Variants in DOCK7 observed in about 807,000 individuals in gnomAD.
DOCK7 encodes the protein dedicator of cytokinesis 7.
In DOCK7, 138 loss-of-function variants were observed where a neutral mutation model predicts 271.0. That is an observed-to-expected ratio of 0.51 (90% CI 0.44 to 0.59). DOCK7 has a LOEUF of 0.59. Ranked by LOEUF, DOCK7 falls within the 20% of genes least tolerant of loss-of-function variation. The pLI, the probability that DOCK7 is intolerant of heterozygous loss-of-function variation, is 0.00. For missense variants in DOCK7, 2,066 were observed against 2,592.4 expected (o/e 0.80, Z 4.41); for synonymous variants, 823 against 876.1 (o/e 0.94, Z 1.07).
chr1:62,464,766 C>T (rs1645628210), intron 48 of DOCK7, among the ~76,000 whole-genome samples: 1 of 151,870 alleles, frequency 6.6e-6, no homozygotes, highest in Non-Finnish European at 1.5e-5. Context: ...AATAAATGTG[C>T]ACTGTTGGCA....
At chr1:62,631,144 C>T in intron 11 of DOCK7, 96 bp downstream of exon 11, 1 of 1,124,326 alleles carries the variant, frequency 8.9e-7, no homozygotes, top group Non-Finnish European at 1.2e-6. Flanking sequence ...AAGATCGTGC[C>T]ACTGCCCTCC....
intron 31 of DOCK7, among the ~76,000 whole-genome samples, chr1:62,527,611 A>C (rs1457246798): frequency 2.6e-5 from 4 of 151,992 alleles, no homozygotes; most frequent in African/African-American, 9.7e-5. Flanking sequence ...CATCATTCTC[A>C]GCAAACTATT....
intron 14 of DOCK7, among the ~76,000 whole-genome samples, chr1:62,614,942 C>T (rs947851983): frequency 6.6e-6 from 1 of 151,802 alleles, no homozygotes; most frequent in African/African-American, 2.4e-5. Context: ...AAAATGGTTT[C>T]GTCACATGTC....
intron 28 of DOCK7, among the ~76,000 whole-genome samples, chr1:62,536,231 G>A (rs549030858): frequency 1.3e-5 from 2 of 152,080 alleles, no homozygotes; most frequent in Non-Finnish European, 2.9e-5. Flanking sequence ...TCTCTATGGC[G>A]AAATCTTCTC....
At chr1:62,499,211 T>C (rs1364036037) in intron 37 of DOCK7, among the ~76,000 whole-genome samples, 1 of 152,148 alleles carries the variant, frequency 6.6e-6, no homozygotes, top group Non-Finnish European at 1.5e-5. Context: ...GAAAACTGAG[T>C]GTGGTCAAAT....
intron 33 of DOCK7, among the ~76,000 whole-genome samples, chr1:62,511,854 TTAA>T (rs1644495714): frequency 6.6e-6 from 1 of 152,038 alleles, no homozygotes; most frequent in Admixed American, 6.5e-5. Context: ...CTCTCAATAG[TTAA>T]TAATGTCTTA....
rs1419878956 is a variant in DOCK7 at position 62,478,821 on chromosome 1, TTCTAAA to T, written c.5509-1002_5509-997del. ...AAAAATTTTTGAGATGAGTTGGTTA[TTCTAAA>T]TCACCCAAACCACCCATTGGCATGC... On this transcript the variant is annotated intron_variant, in intron 43 of 49. Coordinates refer to ENST00000635253, the MANE Select transcript of DOCK7 (RefSeq NM_001367561.1). 4 of 152,204 alleles carry T rather than the reference TTCTAAA, an allele frequency of 2.6e-5. No homozygotes were observed. The South Asian group carries it at 8.3e-4, about 32-fold the overall frequency. The allele number at this position is 152,204 out of a possible 1,614,324, so 9.4% of individuals were successfully genotyped here. A position where few individuals can be genotyped will look rare whatever the true frequency, so the allele number is the denominator to read the frequency against.
At chr1:62,680,197 C>A (rs1300728558) in intron 1 of DOCK7, among the ~76,000 whole-genome samples, 1 of 152,028 alleles carries the variant, frequency 6.6e-6, no homozygotes, top group Non-Finnish European at 1.5e-5. Flanking sequence ...GAAATATAGA[C>A]CAATGGAACA....
rs7534572 is a variant in DOCK7 at position 62,534,004 on chromosome 1, C to T, written c.3611+1489G>A. 1.1e-3 allele frequency among the ~76,000 whole-genome samples: 167 copies of T among 149,544 alleles called. 2 individuals carry two copies. In the South Asian group the frequency reaches 0.022, roughly 20 times the overall value. Reference sequence around the variant, plus strand: ...GGATGCTGGACCACAACACATCAAGCTTTTTTTTTTTTGAGATGAAGTCTT... The same window carrying T: ...GGATGCTGGACCACAACACATCAAGTTTTTTTTTTTTTGAGATGAAGTCTT... On this transcript the variant is annotated intron_variant, in intron 29 of 49. Coordinates refer to ENST00000635253, the MANE Select transcript of DOCK7 (RefSeq NM_001367561.1).
chr1:62,461,070 A>G (rs1645510235), intron 48 of DOCK7: 1 of 152,190 alleles, frequency 6.6e-6, no homozygotes, highest in Non-Finnish European at 1.5e-5. Flanking sequence ...AACTTTTAAA[A>G]CCTGTCATAT....
intron 7 of DOCK7, among the ~76,000 whole-genome samples, chr1:62,645,908 G>A (rs1393238974): frequency 6.6e-6 from 1 of 152,140 alleles, no homozygotes; most frequent in East Asian, 1.9e-4. Flanking sequence ...AGCACTTTGG[G>A]AGGCTGAGGC....
At chr1:62,527,442 T>C (rs959126029) in intron 31 of DOCK7, among the ~76,000 whole-genome samples, 1 of 151,982 alleles carries the variant, frequency 6.6e-6, no homozygotes, top group African/African-American at 2.4e-5. Flanking sequence ...CTATTCACAA[T>C]AGCAAAGACT....
At chr1:62,615,136 T>C (rs1652288619) in intron 14 of DOCK7, among the ~76,000 whole-genome samples, 1 of 151,900 alleles carries the variant, frequency 6.6e-6, no homozygotes, top group Non-Finnish European at 1.5e-5. Context: ...TTTCTTTATG[T>C]AATTTGGAGA....
rs1234083237 is a variant in DOCK7, at chr1:62,648,191, T to C, written c.647A>G (p.Asn216Ser). Residue 216 changes from asparagine (N) to serine (S), a missense_variant, in exon 6 of 50, where the codon AAT becomes AGT. Coordinates refer to ENST00000635253, the MANE Select transcript of DOCK7 (RefSeq NM_001367561.1). ...ATCATTCTGACGGTCTATTTCTTCATTTGGAGTTCGATCAAGTAAATTGGG... is the reference window on the plus strand; with the variant it reads ...ATCATTCTGACGGTCTATTTCTTCACTTGGAGTTCGATCAAGTAAATTGGG... ...LLPNLLDRTP[N>S]EEIDRQNDDQ... is the part of the protein sequence containing the mutation. 2 of 1,613,564 alleles carry C rather than the reference T, an allele frequency of 1.2e-6. No individual in the cohort carries two copies. Among genetic ancestry groups the C allele is most frequent in the Non-Finnish European group, 8.5e-7 (1 of 1,179,768 alleles).
intron 18 of DOCK7, among the ~76,000 whole-genome samples, chr1:62,564,473 A>T (rs1646442269): frequency 6.6e-6 from 1 of 152,224 alleles, no homozygotes; most frequent in African/African-American, 2.4e-5. Context: ...TAATGAAAGG[A>T]AGGCAGAAAT....
chr1:62,508,985 T>C (rs61775882), intron 34 of DOCK7, among the ~76,000 whole-genome samples: 11,853 of 152,242 alleles, frequency 0.078, 587 homozygotes, highest in Non-Finnish European at 0.12. Flanking sequence ...TCTAAGTTTT[T>C]AGATCTGTAA....
At chr1:62,547,725 C>T (rs11207984) in intron 22 of DOCK7, among the ~76,000 whole-genome samples, 88,678 of 152,022 alleles carry the variant, frequency 0.58, 27,534 homozygotes, top group East Asian at 0.76. Context: ...TGTTAAAAGA[C>T]GATTACTAGA....
chr1:62,463,851 T>C (rs1273712015), intron 48 of DOCK7, among the ~76,000 whole-genome samples: 1 of 152,102 alleles, frequency 6.6e-6, no homozygotes, highest in African/African-American at 2.4e-5. Context: ...TAAATAAACA[T>C]AGGGAGGGGA....
At chr1:62,469,522 A>C (rs1645769536) in intron 48 of DOCK7, among the ~76,000 whole-genome samples, 1 of 152,246 alleles carries the variant, frequency 6.6e-6, no homozygotes, top group African/African-American at 2.4e-5. Flanking sequence ...TTCATGACCA[A>C]GAACTCAAAA....
Sources: gnomAD v4.1 joint callset for allele counts (sites outside exome capture counted in the v4.1 genomes callset) on GRCh38, gnomAD v4.1.1 for gene constraint, MANE v1.5 for transcripts, NCBI Gene and HGNC (gene_info 2026-07-23, HGNC 2026-07-21) for gene names.